Variants in PTPRM observed in about 807,000 individuals in gnomAD.
The protein encoded by PTPRM is protein tyrosine phosphatase receptor type M.
PTPRM carries 47 observed loss-of-function variants against 186.7 expected under a neutral mutation model. The ratio of observed to expected loss-of-function variants is 0.25; its 90% CI spans 0.20 to 0.32. The LOEUF is 0.32. Among genes scored for constraint, PTPRM ranks in the 10% least tolerant of loss-of-function variants. The pLI, the probability that PTPRM is intolerant of heterozygous loss-of-function variation, is 1.00. For missense variants in PTPRM, 1,494 were observed against 1,865.0 expected, an observed-to-expected ratio of 0.80 and a Z score of 3.66; for synonymous variants, 668 against 674.9, an observed-to-expected ratio of 0.99 and a Z score of 0.16.
At chr18:8,228,217 A>G (rs2094239540) in intron 14 of PTPRM, among the ~76,000 whole-genome samples, 1 of 152,122 alleles carries the variant, frequency 6.6e-6, no homozygotes, top group South Asian at 2.1e-4. Flanking sequence ...AGAGGAGCCC[A>G]GCTGAAGACA....
intron 19 of PTPRM, among the ~76,000 whole-genome samples, chr18:8,287,099 A>T (rs1218975042): frequency 3.3e-5 from 5 of 150,676 alleles, no homozygotes; most frequent in African/African-American, 1.2e-4. Context: ...GTTTGCTTTA[A>T]AAAAAAAAGA....
chr18:8,393,946 G>A (rs776506152), intron 31 of PTPRM, among the ~76,000 whole-genome samples: 75 of 151,486 alleles, frequency 5.0e-4, no homozygotes, highest in African/African-American at 8.8e-4. Flanking sequence ...CCGCCACCAC[G>A]CCCGGCTAAT....
intron 2 of PTPRM, 62 bp downstream of exon 2, chr18:7,774,333 T>G (rs2042479695): frequency 6.4e-7 from 1 of 1,572,712 alleles, no homozygotes. Flanking sequence ...TCATACTATG[T>G]GTTCACTGGA....
At chr18:7,624,702 C>T (rs571383620) in intron 1 of PTPRM, among the ~76,000 whole-genome samples, 8 of 152,146 alleles carry the variant, frequency 5.3e-5, no homozygotes, top group Non-Finnish European at 1.2e-4. Context: ...ATCTTGAATT[C>T]CTGAGCTCAA....
intron 1 of PTPRM, among the ~76,000 whole-genome samples, chr18:7,661,759 A>G (rs1206302919): frequency 6.6e-6 from 1 of 152,218 alleles, no homozygotes; most frequent in Non-Finnish European, 1.5e-5. Context: ...CTCCTGGTGT[A>G]TACCTTCTTT....
At chr18:8,098,434 A>G (rs562656713) in intron 11 of PTPRM, among the ~76,000 whole-genome samples, 33 of 152,306 alleles carry the variant, frequency 2.2e-4, no homozygotes, top group Admixed American at 2.2e-3. Flanking sequence ...TTATCACCTG[A>G]AACATTTATT....
chr18:7,998,055 A>G (rs1160137490), intron 7 of PTPRM, among the ~76,000 whole-genome samples: 1 of 152,328 alleles, frequency 6.6e-6, no homozygotes, highest in East Asian at 1.9e-4. Flanking sequence ...AAGAAAGGAA[A>G]TAAGTATATT....
intron 21 of PTPRM, among the ~76,000 whole-genome samples, chr18:8,318,257 A>ACTT (rs949564451): frequency 7.4e-6 from 1 of 134,864 alleles, no homozygotes; most frequent in Non-Finnish European, 1.6e-5. Context: ...TTTCCCAGAT[A>ACTT]CTTATCCTAC....
At chr18:8,280,419 G>GTTCACAATTCA (rs2094890091) in intron 19 of PTPRM, among the ~76,000 whole-genome samples, 1 of 126,682 alleles carries the variant, frequency 7.9e-6, no homozygotes, top group Non-Finnish European at 1.7e-5. Context: ...GTGGGGGGGG[G>GTTCACAATTCA]GTCACAATTC....
chr18:7,977,769 G>GC (rs113839005), intron 7 of PTPRM, among the ~76,000 whole-genome samples: 69,658 of 151,510 alleles, frequency 0.46, 16,313 homozygotes, highest in African/African-American at 0.55. Context: ...GTTGCTTTGT[G>GC]CATGCTTTGC....
intron 14 of PTPRM, among the ~76,000 whole-genome samples, chr18:8,190,347 A>C (rs143878060): frequency 5.8e-4 from 88 of 152,202 alleles, no homozygotes; most frequent in Non-Finnish European, 1.0e-3. Flanking sequence ...TACACATTCC[A>C]CATATATGTG....
At chr18:8,379,144 T>A (rs1326935273) in intron 27 of PTPRM, 23 bp from the exon 28 acceptor site, 1 of 1,558,418 alleles carries the variant, frequency 6.4e-7, no homozygotes, top group Admixed American at 1.8e-5. Flanking sequence ...CTTGTCCTCA[T>A]GTTCCTTTCT....
chr18:7,884,751 T>A (rs1426263286), intron 2 of PTPRM, among the ~76,000 whole-genome samples: 1 of 149,746 alleles, frequency 6.7e-6, no homozygotes, highest in East Asian at 2.0e-4. Flanking sequence ...GGTGAAACCT[T>A]GTCTCTACTA....
At chr18:8,125,994 TATATATATATATATATATA>T (rs1411468761) in intron 13 of PTPRM, among the ~76,000 whole-genome samples, 320 of 11,652 alleles carry the variant, frequency 0.027, 17 homozygotes, top group African/African-American at 0.049. Flanking sequence ...TATATATATA[TATATATATATATATATATA>T]TATATATATA....
intron 19 of PTPRM, among the ~76,000 whole-genome samples, chr18:8,258,668 T>C (rs1035936857): frequency 2.6e-5 from 4 of 152,128 alleles, no homozygotes; most frequent in African/African-American, 9.7e-5. Flanking sequence ...TCTGAAAGAA[T>C]ATGTTTTGCT....
intron 2 of PTPRM, among the ~76,000 whole-genome samples, chr18:7,817,658 G>A (rs1037072980): frequency 1.3e-5 from 2 of 152,142 alleles, no homozygotes; most frequent in African/African-American, 4.8e-5. Flanking sequence ...AGGCATTCTT[G>A]TACAGGGATG....
intron 7 of PTPRM, among the ~76,000 whole-genome samples, chr18:7,978,007 G>A (rs1250498497): frequency 1.3e-5 from 2 of 152,162 alleles, no homozygotes; most frequent in Admixed American, 6.5e-5. Context: ...GTAAGGAAAC[G>A]ACTTGTGCAG....
chr18:7,795,909 C>T (rs1030645556), intron 2 of PTPRM, among the ~76,000 whole-genome samples: 8 of 149,560 alleles, frequency 5.3e-5, no homozygotes, highest in African/African-American at 1.7e-4. Flanking sequence ...GAATTCCTGG[C>T]CTCAAGCAAT....
At chr18:8,089,629 A>T (rs1440879615) in intron 11 of PTPRM, among the ~76,000 whole-genome samples, 1 of 152,198 alleles carries the variant, frequency 6.6e-6, no homozygotes, top group Non-Finnish European at 1.5e-5. Context: ...GTCATCTATT[A>T]CTTTGAATAG....
Sources: gnomAD v4.1 joint callset for allele counts (sites outside exome capture counted in the v4.1 genomes callset) on GRCh38, gnomAD v4.1.1 for gene constraint, MANE v1.5 for transcripts, NCBI Gene and HGNC (gene_info 2026-07-23, HGNC 2026-07-21) for gene names.